CC2D1A: variants seen among roughly 807,000 people sequenced by gnomAD.
CC2D1A encodes coiled-coil and C2 domain containing 1A.
Under a neutral mutation model 123.8 loss-of-function variants are expected in CC2D1A, and 68 were observed. The observed-to-expected ratio is 0.55, with a 90% CI of 0.45 to 0.67. CC2D1A has a LOEUF of 0.67. Among genes scored for constraint, CC2D1A ranks in the 30% least tolerant of loss-of-function variants. The pLI is 0.00. For missense variants in CC2D1A, 1,185 were observed against 1,290.3 expected (o/e 0.92, Z 1.25); for synonymous variants, 477 against 528.0 (o/e 0.90, Z 1.32).
At chr19:13,928,890 G>A (rs1971752650) in intron 24 of CC2D1A, among the ~76,000 whole-genome samples, 1 of 151,496 alleles carries the variant, frequency 6.6e-6, no homozygotes, top group African/African-American at 2.4e-5. Flanking sequence ...TCTATTTTTA[G>A]TAGAGATGGG....
chr19:13,924,862 C>T (rs979698695), intron 17 of CC2D1A, among the ~76,000 whole-genome samples: 5 of 152,122 alleles, frequency 3.3e-5, no homozygotes, highest in Admixed American at 1.3e-4. Context: ...GCTCCCCCAT[C>T]TCCACACAGC....
intron 8 of CC2D1A, 46 bp from the exon 9 acceptor site, chr19:13,918,700 G>T: frequency 6.3e-7 from 1 of 1,591,094 alleles, no homozygotes. Flanking sequence ...CTTGTCGGGG[G>T]TGCAGCTAAC....
chr19:13,929,164 C>G (rs2145378351), intron 24 of CC2D1A, among the ~76,000 whole-genome samples: 1 of 151,652 alleles, frequency 6.6e-6, no homozygotes, highest in African/African-American at 2.4e-5. Flanking sequence ...CCACCATGCC[C>G]AGCTAATTTT....
chr19:13,924,985 C>G (rs1971542209), intron 17 of CC2D1A, among the ~76,000 whole-genome samples: 2 of 152,138 alleles, frequency 1.3e-5, no homozygotes, highest in African/African-American at 4.8e-5. Flanking sequence ...CCCCAAGCCT[C>G]TGCATCAGCT....
intron 2 of CC2D1A, among the ~76,000 whole-genome samples, chr19:13,910,426 AAAAAG>A (rs1970962519): frequency 6.6e-6 from 1 of 151,104 alleles, no homozygotes. Flanking sequence ...AAAAAAAAAA[AAAAAG>A]ATCAAGTCTG....
At chr19:13,926,249 A>G (rs904801593) in intron 17 of CC2D1A, among the ~76,000 whole-genome samples, 2 of 151,644 alleles carry the variant, frequency 1.3e-5, no homozygotes, top group South Asian at 2.1e-4. Context: ...AGGGAATATC[A>G]CCCAGCAGCT....
At chr19:13,915,091 G>A (rs1971158290) in intron 6 of CC2D1A, among the ~76,000 whole-genome samples, 1 of 152,192 alleles carries the variant, frequency 6.6e-6, no homozygotes, top group African/African-American at 2.4e-5. Context: ...AAGGATTACT[G>A]GAATTGTCAC....
At chr19:13,911,517 G>GT (rs1006316553) in intron 2 of CC2D1A, among the ~76,000 whole-genome samples, 35 of 149,398 alleles carry the variant, frequency 2.3e-4, no homozygotes, top group Middle Eastern at 3.4e-3. Flanking sequence ...CAGAGCTGGG[G>GT]TTTTTTTTGT....
rs771776207 is a variant in CC2D1A at position 13,929,565 on chromosome 19, T to C, written c.2615T>C (p.Val872Ala). 4.3e-6 allele frequency: 7 copies of C among 1,609,546 alleles called. No individual in the cohort carries two copies. The highest frequency in any genetic ancestry group is 5.9e-6 in the Non-Finnish European group (7 of 1,179,216). The change falls in exon 26 of 29, where the codon GTG (valine) becomes GCG (alanine). Residue 872 changes from valine to alanine, a missense_variant. By Grantham distance (64) the Val-to-Ala change is moderately conservative. Coordinates refer to ENST00000318003, the MANE Select transcript of CC2D1A (RefSeq NM_017721.5). Reference sequence around the variant, plus strand: ...GCCCTCAGGCAGGCGCGGCGGCCGGTGCCCCCAGAAGTGGCCCAGCAGTAC... The same window carrying C: ...GCCCTCAGGCAGGCGCGGCGGCCGGCGCCCCCAGAAGTGGCCCAGCAGTAC... ...ILALRQARRPVPPEVAQQYQD... is the reference protein window; with the variant it reads ...ILALRQARRPAPPEVAQQYQD...
At chr19:13,911,207 C>G (rs1970984577) in intron 2 of CC2D1A, among the ~76,000 whole-genome samples, 1 of 152,084 alleles carries the variant, frequency 6.6e-6, no homozygotes, top group Non-Finnish European at 1.5e-5. Context: ...GCCTGGGTGA[C>G]AGAGCAAGAT....
intron 2 of CC2D1A, among the ~76,000 whole-genome samples, chr19:13,911,863 C>A (rs1971012614): frequency 1.3e-5 from 2 of 152,014 alleles, no homozygotes; most frequent in Non-Finnish European, 2.9e-5. Context: ...CCACAGGCGC[C>A]CGCCAGCATG....
At position 13,920,217 on chromosome 19, in the gene CC2D1A, C is replaced by T. The variant is rs545039064; in HGVS notation, c.1356+266C>T. The T allele has an allele frequency of 1.0e-4, 51 of 509,660 alleles. No homozygotes were observed. In the South Asian group the frequency reaches 1.1e-3, roughly 11 times the overall value. 31.6% of individuals were successfully genotyped at this position (509,660 alleles called of 1,614,324 possible). ...AGTGAGCCATGGTCATGCCACTGTA[C>T]GCCAGTCTGGGTGACAGAGCAAGAC... On this transcript the variant is annotated intron_variant, in intron 12 of 28. Transcript: ENST00000318003.
At chr19:13,918,842 T>C in intron 9 of CC2D1A, 25 bp downstream of exon 9, 1 of 1,611,968 alleles carries the variant, frequency 6.2e-7, no homozygotes, top group Middle Eastern at 1.7e-4. Flanking sequence ...CCTCTGGGGT[T>C]GGGGGCAGGC....
rs1275179452 is a variant in CC2D1A at position 13,912,384 on chromosome 19, G to C, written c.258G>C (p.Glu86Asp). Reference protein sequence around the residue: ...MASLCMRDPDEDEEEGTDEDD... With the variant: ...MASLCMRDPDDDEEEGTDEDD... Reference sequence around the variant, plus strand: ...GCCTGTGCATGAGAGACCCGGATGAGGATGAGGAGGAGGGGACGGATGAGG... The same window carrying C: ...GCCTGTGCATGAGAGACCCGGATGACGATGAGGAGGAGGGGACGGATGAGG... The change falls in exon 3 of 29, where the codon GAG becomes GAC. Residue 86 changes from glutamate to aspartate, a missense_variant. Transcript: ENST00000318003. The C allele has an allele frequency of 1.9e-6, 3 of 1,613,624 alleles. No homozygotes were observed. The South Asian group carries it at 3.3e-5, about 18-fold the overall frequency.
chr19:13,923,344 C>T lies in CC2D1A; in HGVS notation c.1653C>T (p.Ala551=), dbSNP rs370966628. ...CTCGTCCTCCCCAGGTGCCGCCTGC[C>T]CCTGTCAACAAGGACGACTTTGCCC... is the stretch of plus-strand genomic sequence containing the variant. The part of the protein sequence containing the change: ...LPVDITKVPP[A]PVNKDDFALV... The change falls in exon 15 of 29, where the codon GCC becomes GCT. Residue 551 remains alanine, a synonymous_variant. Coordinates refer to ENST00000318003, the MANE Select transcript of CC2D1A (RefSeq NM_017721.5). The surrounding 1 kb of genome is among the most constrained non-coding windows in gnomAD (Gnocchi z 5.3). 5.0e-6 allele frequency: 8 copies of T among 1,608,284 alleles called. No homozygotes were observed. The African/African-American group carries it at 1.1e-4, about 21-fold the overall frequency.
intron 17 of CC2D1A, among the ~76,000 whole-genome samples, chr19:13,925,929 A>ATATATATATATATAT (rs1555735780): frequency 1.0e-5 from 1 of 99,948 alleles, no homozygotes; most frequent in African/African-American, 5.6e-5. Flanking sequence ...AAAAAAAAAA[A>ATATATATATATATAT]AAAAATATAT....
chr19:13,925,197 T>A (rs139844920), intron 17 of CC2D1A, among the ~76,000 whole-genome samples: 15 of 152,306 alleles, frequency 9.8e-5, no homozygotes, highest in Non-Finnish European at 1.3e-4. Flanking sequence ...ATCTGTCCAC[T>A]CAGCTAGATT....
intron 14 of CC2D1A, among the ~76,000 whole-genome samples, chr19:13,922,390 C>T (rs1305169452): frequency 6.6e-6 from 1 of 152,242 alleles, no homozygotes; most frequent in African/African-American, 2.4e-5. Context: ...ACCTCAGGGC[C>T]TTTGCACATG....
chr19:13,915,950 A>G (rs902834036), intron 6 of CC2D1A, among the ~76,000 whole-genome samples: 1 of 152,160 alleles, frequency 6.6e-6, no homozygotes, highest in Non-Finnish European at 1.5e-5. Context: ...TTGGTGTACC[A>G]AAACTATCAA....
Sources: gnomAD v4.1 joint callset for allele counts (sites outside exome capture counted in the v4.1 genomes callset) on GRCh38, gnomAD v4.1.1 for gene constraint, Gnocchi (gnomAD v3.1) non-coding constraint, MANE v1.5 for transcripts, NCBI Gene and HGNC (gene_info 2026-07-23, HGNC 2026-07-21) for gene names.